Variants in ZNF407 observed in about 807,000 individuals in gnomAD.
The protein encoded by ZNF407 is zinc finger protein 407.
Under a neutral mutation model 131.2 loss-of-function variants are expected in ZNF407, and 17 were observed. The ratio of observed to expected loss-of-function variants is 0.13; its 90% confidence interval spans 0.09 to 0.19. ZNF407 has a LOEUF of 0.19. Among genes scored for constraint, ZNF407 ranks in the 10% least tolerant of loss-of-function variants. The pLI is 1.00. For synonymous variants in ZNF407, 1,156 were observed against 1,062.0 expected (o/e 1.09, Z -1.72); for missense variants, 2,681 against 2,830.6 (o/e 0.95, Z 1.20).
At chr18:74,791,807 G>A (rs905459804) in intron 4 of ZNF407, among the ~76,000 whole-genome samples, 1 of 152,100 alleles carries the variant, frequency 6.6e-6, no homozygotes, top group Non-Finnish European at 1.5e-5. Context: ...CTTGAGGGCT[G>A]GTCTCAGCTT....
intron 8 of ZNF407, among the ~76,000 whole-genome samples, chr18:74,957,312 G>A (rs1034116369): frequency 3.3e-5 from 5 of 152,176 alleles, no homozygotes; most frequent in African/African-American, 1.2e-4. Context: ...CCAACCGTGA[G>A]TCAGTCCCGT....
At chr18:75,014,741 T>G (rs1973023355) in intron 8 of ZNF407, among the ~76,000 whole-genome samples, 1 of 152,140 alleles carries the variant, frequency 6.6e-6, no homozygotes, top group Admixed American at 6.6e-5. Context: ...GTGTTGTTTT[T>G]TTTATATACA....
intron 3 of ZNF407, among the ~76,000 whole-genome samples, chr18:74,652,624 T>A (rs934011239): frequency 6.6e-6 from 1 of 152,064 alleles, no homozygotes; most frequent in Non-Finnish European, 1.5e-5. Context: ...AGTTTTGTGA[T>A]TGAAACAATA....
chr18:74,842,476 A>G (rs1970647165), intron 4 of ZNF407, among the ~76,000 whole-genome samples: 1 of 152,146 alleles, frequency 6.6e-6, no homozygotes, highest in Non-Finnish European at 1.5e-5. Flanking sequence ...TGGAGTAACA[A>G]TATTGTTCAT....
intron 8 of ZNF407, among the ~76,000 whole-genome samples, chr18:74,975,577 C>T (rs1275388417): frequency 2.6e-5 from 4 of 152,010 alleles, no homozygotes; most frequent in African/African-American, 9.7e-5. Flanking sequence ...TTTTTATAAC[C>T]TTATGAAATT....
At chr18:74,848,722 T>G (rs542737737) in intron 4 of ZNF407, among the ~76,000 whole-genome samples, 1 of 152,348 alleles carries the variant, frequency 6.6e-6, no homozygotes, top group East Asian at 1.9e-4. Context: ...TTTTCTCGCT[T>G]CAGCTCCTGA....
intron 3 of ZNF407, among the ~76,000 whole-genome samples, chr18:74,641,820 A>G (rs1280623624): frequency 6.6e-6 from 1 of 152,208 alleles, no homozygotes; most frequent in African/African-American, 2.4e-5. Context: ...CATATATGGT[A>G]TAACATAGGA....
intron 4 of ZNF407, among the ~76,000 whole-genome samples, chr18:74,806,425 A>G (rs1321287463): frequency 6.6e-6 from 1 of 152,214 alleles, no homozygotes; most frequent in Non-Finnish European, 1.5e-5. Flanking sequence ...TTGTAGGAGG[A>G]AGGCGAGAGC....
intron 8 of ZNF407, among the ~76,000 whole-genome samples, chr18:74,926,798 G>A: frequency 6.6e-6 from 1 of 152,146 alleles, no homozygotes; most frequent in Non-Finnish European, 1.5e-5. Flanking sequence ...GTGAAACTCT[G>A]TCTCAAGGTA....
At chr18:74,968,325 C>T (rs1002160429) in intron 8 of ZNF407, among the ~76,000 whole-genome samples, 1 of 152,158 alleles carries the variant, frequency 6.6e-6, no homozygotes, top group Non-Finnish European at 1.5e-5. Flanking sequence ...GTTTTTGCTT[C>T]AATCTCAAAT....
chr18:74,893,568 A>C (rs1370912984), intron 7 of ZNF407, among the ~76,000 whole-genome samples: 1 of 152,178 alleles, frequency 6.6e-6, no homozygotes, highest in Non-Finnish European at 1.5e-5. Flanking sequence ...TGATGTGATG[A>C]AAAAAAGATT....
chr18:74,816,800 CAAT>C (rs1970273425), intron 4 of ZNF407, among the ~76,000 whole-genome samples: 1 of 151,974 alleles, frequency 6.6e-6, no homozygotes, highest in Non-Finnish European at 1.5e-5. Flanking sequence ...ATATTTGCGT[CAAT>C]AAAGACATGA....
intron 1 of ZNF407, among the ~76,000 whole-genome samples, chr18:74,605,709 A>G (rs1982774397): frequency 6.6e-6 from 1 of 152,238 alleles, no homozygotes; most frequent in Non-Finnish European, 1.5e-5. Context: ...AACTTTTTAT[A>G]GGATTTCTAT....
At chr18:74,786,739 T>C (rs1969720910) in intron 4 of ZNF407, among the ~76,000 whole-genome samples, 1 of 150,330 alleles carries the variant, frequency 6.7e-6, no homozygotes, top group African/African-American at 2.4e-5. Flanking sequence ...TAAATATAAA[T>C]AGTATCTATG....
intron 4 of ZNF407, among the ~76,000 whole-genome samples, chr18:74,816,639 G>T (rs1970270948): frequency 6.6e-6 from 1 of 152,158 alleles, no homozygotes. Context: ...ATAGAATAGT[G>T]ATACAATTGG....
intron 7 of ZNF407, among the ~76,000 whole-genome samples, chr18:74,906,934 G>T (rs1419959920): frequency 6.6e-6 from 1 of 152,140 alleles, no homozygotes; most frequent in Non-Finnish European, 1.5e-5. Flanking sequence ...ATGTATATGT[G>T]TGTGCACACA....
intron 4 of ZNF407, among the ~76,000 whole-genome samples, chr18:74,809,750 A>T (rs1022739812): frequency 6.6e-6 from 1 of 152,228 alleles, no homozygotes; most frequent in African/African-American, 2.4e-5. Context: ...CATACATACA[A>T]AGTCTCCATG....
chr18:74,918,030 C>T (rs1971796104), intron 7 of ZNF407, among the ~76,000 whole-genome samples: 2 of 152,108 alleles, frequency 1.3e-5, no homozygotes, highest in South Asian at 4.2e-4. Flanking sequence ...ACGGTTTACC[C>T]AGCTTGAAGA....
intron 8 of ZNF407, among the ~76,000 whole-genome samples, chr18:74,938,250 C>T (rs941788842): frequency 9.2e-5 from 14 of 152,156 alleles, no homozygotes; most frequent in African/African-American, 2.7e-4. Flanking sequence ...TCCCCAGCAT[C>T]ATGCTCTGAG....
Sources: allele counts gnomAD v4.1 joint callset (sites outside exome capture counted in the v4.1 genomes callset), GRCh38; gene constraint gnomAD v4.1.1; transcripts MANE v1.5; gene names NCBI Gene and HGNC (gene_info 2026-07-23, HGNC 2026-07-21).